The following WWC2 variants were observed in gnomAD, a reference collection of about 807,000 sequenced individuals.
WWC2 encodes the protein WW and C2 domain containing 2.
WWC2 carries 101 observed loss-of-function variants against 138.5 expected under a neutral mutation model. The observed-to-expected ratio is 0.73, with a 90% CI of 0.62 to 0.86. WWC2 has a LOEUF of 0.86. Among genes scored for constraint, WWC2 ranks in the 40% least tolerant of loss-of-function variants. The probability of loss-of-function intolerance (pLI) is 0.00; values close to 1 mark genes in which losing one functional copy is unlikely to be tolerated. For synonymous variants in WWC2, 558 were observed against 538.4 expected, an observed-to-expected ratio of 1.04 and a Z score of -0.50; for missense variants, 1,420 against 1,419.4, an observed-to-expected ratio of 1.00 and a Z score of -0.01.
intron 1 of WWC2, among the ~76,000 whole-genome samples, chr4:183,156,076 G>T (rs1177806660): frequency 1.3e-5 from 2 of 151,782 alleles, no homozygotes; most frequent in African/African-American, 4.8e-5. Context: ...GCCCAGATTG[G>T]AGTACAGTGG....
At chr4:183,128,624 T>G (rs1732834032) in intron 1 of WWC2, among the ~76,000 whole-genome samples, 1 of 152,224 alleles carries the variant, frequency 6.6e-6, no homozygotes, top group Non-Finnish European at 1.5e-5. Context: ...TTCCAACCCC[T>G]TAAAAATGGG....
intron 1 of WWC2, among the ~76,000 whole-genome samples, chr4:183,165,740 G>A (rs1734113028): frequency 6.6e-6 from 1 of 152,108 alleles, no homozygotes; most frequent in African/African-American, 2.4e-5. Flanking sequence ...CTTAAAAACT[G>A]GCACCAAATG....
intron 21 of WWC2, among the ~76,000 whole-genome samples, chr4:183,290,516 C>CAA (rs11451373): frequency 3.2e-4 from 35 of 110,100 alleles, no homozygotes; most frequent in Non-Finnish European, 4.5e-4. Flanking sequence ...GACTCCATCT[C>CAA]AAAAAAAAAA....
At chr4:183,132,279 A>G (rs965982132) in intron 1 of WWC2, among the ~76,000 whole-genome samples, 1 of 152,168 alleles carries the variant, frequency 6.6e-6, no homozygotes, top group Non-Finnish European at 1.5e-5. Context: ...GAATTGAAGT[A>G]GTAATAATGA....
intron 1 of WWC2, among the ~76,000 whole-genome samples, chr4:183,143,553 A>G (rs1302121129): frequency 6.6e-6 from 1 of 152,094 alleles, no homozygotes; most frequent in Non-Finnish European, 1.5e-5. Flanking sequence ...CATGCCTGTA[A>G]TCCCAGCACT....
At chr4:183,101,508 A>T (rs192963376) in intron 1 of WWC2, among the ~76,000 whole-genome samples, 1 of 152,204 alleles carries the variant, frequency 6.6e-6, no homozygotes, top group Admixed American at 6.5e-5. Context: ...ATATTCAGAG[A>T]CATAAATTTG....
intron 1 of WWC2, among the ~76,000 whole-genome samples, chr4:183,102,280 C>G (rs1374050507): frequency 6.6e-6 from 1 of 152,100 alleles, no homozygotes; most frequent in East Asian, 1.9e-4. Context: ...TAGGGCCCAG[C>G]CTAATTGTAT....
intron 16 of WWC2, among the ~76,000 whole-genome samples, chr4:183,276,026 G>T (rs1444718924): frequency 6.6e-6 from 1 of 151,974 alleles, no homozygotes; most frequent in Admixed American, 6.6e-5. Flanking sequence ...GCATTGCATT[G>T]CATCTTTCTG....
chr4:183,127,949 A>G (rs1403849888), intron 1 of WWC2, among the ~76,000 whole-genome samples: 1 of 151,856 alleles, frequency 6.6e-6, no homozygotes, highest in Non-Finnish European at 1.5e-5. Flanking sequence ...TAATAAAGAA[A>G]TGTACATTAT....
rs574549651 is a variant in WWC2, at chr4:183,123,209, G to T, written c.131+23587G>T. On this transcript the variant is annotated intron_variant, in intron 1 of 22. Transcript: ENST00000403733. ...GCATGTATGTTCAAGTAAGTTCATTGTAGCTTAATTTGTAAACCCAAAAAA... is the reference window on the plus strand; with the variant it reads ...GCATGTATGTTCAAGTAAGTTCATTTTAGCTTAATTTGTAAACCCAAAAAA... Among the ~76,000 whole-genome samples, 6 of 152,262 alleles carry T rather than the reference G, an allele frequency of 3.9e-5. No individual in the cohort carries two copies. The East Asian group carries it at 9.7e-4, about 25-fold the overall frequency.
intron 1 of WWC2, among the ~76,000 whole-genome samples, chr4:183,106,263 C>T (rs1477496676): frequency 6.6e-6 from 1 of 152,076 alleles, no homozygotes; most frequent in Non-Finnish European, 1.5e-5. Context: ...GGATTACAGG[C>T]ATGAGCCACC....
At chr4:183,266,929 C>G (rs1458319571) in intron 14 of WWC2, among the ~76,000 whole-genome samples, 1 of 152,052 alleles carries the variant, frequency 6.6e-6, no homozygotes, top group South Asian at 2.1e-4. Flanking sequence ...AAGTTCACCT[C>G]CTAACATTCC....
intron 4 of WWC2, among the ~76,000 whole-genome samples, chr4:183,223,826 G>T (rs1735993533): frequency 6.6e-6 from 1 of 152,184 alleles, no homozygotes; most frequent in Non-Finnish European, 1.5e-5. Context: ...TGCCTCCTGG[G>T]TTCAAGTGAT....
intron 1 of WWC2, among the ~76,000 whole-genome samples, chr4:183,181,822 C>T (rs1417572385): frequency 6.6e-6 from 1 of 151,968 alleles, no homozygotes; most frequent in Non-Finnish European, 1.5e-5. Flanking sequence ...GAAAAAATAC[C>T]AAAGTATTGG....
chr4:183,249,354 C>G (rs1178596635), intron 7 of WWC2, among the ~76,000 whole-genome samples: 2 of 152,194 alleles, frequency 1.3e-5, no homozygotes, highest in Non-Finnish European at 2.9e-5. Flanking sequence ...ATTTTACCTT[C>G]TCCATTTTGG....
At chr4:183,118,827 G>A (rs373131543) in intron 1 of WWC2, among the ~76,000 whole-genome samples, 2 of 152,120 alleles carry the variant, frequency 1.3e-5, no homozygotes, top group South Asian at 2.1e-4. Context: ...CTTTTAGCCA[G>A]TTGTCTGACC....
In WWC2 at chr4:183,135,022, C is replaced by A. The variant is rs142979762; in HGVS notation, c.131+35400C>A. On this transcript the variant is annotated intron_variant, in intron 1 of 22. Coordinates refer to ENST00000403733, the MANE Select transcript of WWC2 (RefSeq NM_024949.6). Reference sequence around the variant, plus strand: ...TCTTGGCTCACTGCAGCCTCCACCTCCTGGGTTCAAGCGATTCTCCTGCCT... The same window carrying A: ...TCTTGGCTCACTGCAGCCTCCACCTACTGGGTTCAAGCGATTCTCCTGCCT... Among the ~76,000 whole-genome samples the A allele has an allele frequency of 5.1e-3, 773 of 152,132 alleles. 5 individuals are homozygous for A. The highest frequency in any genetic ancestry group is 0.018 in the African/African-American group (742 of 41,516).
intron 4 of WWC2, among the ~76,000 whole-genome samples, chr4:183,227,865 A>G (rs1196259488): frequency 1.3e-5 from 2 of 152,048 alleles, no homozygotes; most frequent in African/African-American, 4.8e-5. Context: ...GTATGGCATC[A>G]GTTGTTCACT....
intron 4 of WWC2, among the ~76,000 whole-genome samples, chr4:183,223,135 C>T (rs913421801): frequency 6.6e-6 from 1 of 152,196 alleles, no homozygotes; most frequent in Non-Finnish European, 1.5e-5. Context: ...AATTATGTTA[C>T]AGTTGCCTAC....
Sources: gnomAD v4.1 joint callset for allele counts (sites outside exome capture counted in the v4.1 genomes callset) on GRCh38, gnomAD v4.1.1 for gene constraint, MANE v1.5 for transcripts, NCBI Gene and HGNC (gene_info 2026-07-23, HGNC 2026-07-21) for gene names.